Variants in ADAMTSL1 observed in about 807,000 individuals in gnomAD.
ADAMTSL1 encodes ADAMTS-like protein 1.
In ADAMTSL1, 126 loss-of-function variants were observed where a neutral mutation model predicts 201.8. That is an observed-to-expected ratio of 0.62 (90% CI 0.54 to 0.72). ADAMTSL1 has a LOEUF of 0.72. ADAMTSL1 is among the 30% of genes least tolerant of loss of function. ADAMTSL1 has a pLI of 0.00. For missense variants in ADAMTSL1, 2,679 were observed against 2,277.8 expected (o/e 1.18, Z -3.59); for synonymous variants, 1,121 against 903.4 (o/e 1.24, Z -4.32).
At chr9:18,766,393 C>T (rs898889399) in intron 16 of ADAMTSL1, among the ~76,000 whole-genome samples, 1 of 152,116 alleles carries the variant, frequency 6.6e-6, no homozygotes, top group South Asian at 2.1e-4. Flanking sequence ...GCTTTGAAAA[C>T]GTCACTCTTG....
chr9:18,574,765 A>G (rs1453316745), intron 4 of ADAMTSL1, among the ~76,000 whole-genome samples: 3 of 152,206 alleles, frequency 2.0e-5, no homozygotes, highest in Admixed American at 1.3e-4. Context: ...AGAGAAAGTC[A>G]TGGAAGAGCC....
chr9:18,343,019 G>A (rs1835537029), intron 2 of ADAMTSL1, among the ~76,000 whole-genome samples: 1 of 151,708 alleles, frequency 6.6e-6, no homozygotes, highest in Non-Finnish European at 1.5e-5. Flanking sequence ...TAAAAAATGT[G>A]GGTTTTTTTG....
chr9:18,578,445 G>C (rs1167599967), intron 4 of ADAMTSL1, among the ~76,000 whole-genome samples: 1 of 152,120 alleles, frequency 6.6e-6, no homozygotes, highest in Non-Finnish European at 1.5e-5. Context: ...GATGAAGTTA[G>C]AGAGAAGGCT....
intron 7 of ADAMTSL1, among the ~76,000 whole-genome samples, chr9:18,649,584 G>C (rs1352274973): frequency 1.3e-5 from 2 of 152,130 alleles, no homozygotes; most frequent in African/African-American, 4.8e-5. Flanking sequence ...TGTCCTTTCT[G>C]TTTGTTAGTT....
chr9:18,830,217 A>T (rs533780800), intron 23 of ADAMTSL1, among the ~76,000 whole-genome samples: 164 of 152,238 alleles, frequency 1.1e-3, no homozygotes, highest in African/African-American at 3.8e-3. Flanking sequence ...TCCTTTCTGA[A>T]TCCTCTTGGG....
intron 1 of ADAMTSL1, among the ~76,000 whole-genome samples, chr9:18,074,544 C>T (rs1165581027): frequency 2.5e-5 from 3 of 120,794 alleles, no homozygotes; most frequent in South Asian, 2.9e-4. Flanking sequence ...CTTCTCTCTT[C>T]TTTTCTCTTC....
At chr9:18,346,564 A>G (rs1835727349) in intron 2 of ADAMTSL1, among the ~76,000 whole-genome samples, 1 of 152,194 alleles carries the variant, frequency 6.6e-6, no homozygotes, top group African/African-American at 2.4e-5. Context: ...CTGGAACAGA[A>G]AAGCGTTTAG....
chr9:18,117,331 C>T (rs1825295778), intron 1 of ADAMTSL1, among the ~76,000 whole-genome samples: 1 of 152,112 alleles, frequency 6.6e-6, no homozygotes, highest in South Asian at 2.1e-4. Context: ...TCATCTGGCC[C>T]TCGTTACTTT....
chr9:18,876,750 A>T (rs1049904793), intron 23 of ADAMTSL1, among the ~76,000 whole-genome samples: 1 of 152,184 alleles, frequency 6.6e-6, no homozygotes, highest in Non-Finnish European at 1.5e-5. Flanking sequence ...TCTTTTTGCA[A>T]TTAATTTCCT....
intron 23 of ADAMTSL1, among the ~76,000 whole-genome samples, chr9:18,860,156 G>A (rs916080348): frequency 6.6e-6 from 1 of 152,346 alleles, no homozygotes; most frequent in East Asian, 1.9e-4. Context: ...AAAGTAACAA[G>A]TTGGATCTTT....
chr9:18,489,703 T>G lies in ADAMTSL1; in HGVS notation c.64-15126T>G, dbSNP rs1363402079. ...TTATTTTTCTTTTTCTAGATGGCCA[T>G]TGTGTGAGATTAAGTATTTGGTCAT... On this transcript the variant is annotated intron_variant, in intron 1 of 28. Transcript: ENST00000380548. Among the ~76,000 whole-genome samples the G allele has an allele frequency of 7.2e-5, 11 of 152,192 alleles. 1 individual carries two copies. The highest frequency in any genetic ancestry group is 5.9e-4 in the Admixed American group (9 of 15,282).
At chr9:18,045,589 G>A (rs1821623231) in intron 1 of ADAMTSL1, among the ~76,000 whole-genome samples, 1 of 151,866 alleles carries the variant, frequency 6.6e-6, no homozygotes, top group Non-Finnish European at 1.5e-5. Context: ...GAATTTCATT[G>A]CCCAAATACA....
chr9:18,574,438 G>C (rs1488475158), intron 4 of ADAMTSL1, 172 bp downstream of exon 4: 2 of 705,654 alleles, frequency 2.8e-6, no homozygotes, highest in Non-Finnish European at 5.0e-6. Context: ...ACCAAGTGTT[G>C]TATTGTGCGA....
intron 23 of ADAMTSL1, among the ~76,000 whole-genome samples, chr9:18,846,459 A>G (rs1826119675): frequency 6.6e-6 from 1 of 152,160 alleles, no homozygotes; most frequent in Non-Finnish European, 1.5e-5. Context: ...CCTTTCAAGA[A>G]CCTTTTTGGT....
At chr9:18,633,348 T>C (rs912616222) in intron 5 of ADAMTSL1, among the ~76,000 whole-genome samples, 15 of 151,998 alleles carry the variant, frequency 9.9e-5, no homozygotes, top group African/African-American at 3.6e-4. Context: ...TCCCAGCATT[T>C]TGGGAGGCCG....
At chr9:18,590,276 A>G (rs569093720) in intron 4 of ADAMTSL1, among the ~76,000 whole-genome samples, 1 of 152,098 alleles carries the variant, frequency 6.6e-6, no homozygotes, top group East Asian at 1.9e-4. Context: ...GAGTTTATCC[A>G]TTTCTAGGTT....
At chr9:18,493,768 C>G (rs2131867142) in intron 1 of ADAMTSL1, among the ~76,000 whole-genome samples, 1 of 152,298 alleles carries the variant, frequency 6.6e-6, no homozygotes, top group South Asian at 2.1e-4. Context: ...TTTAGATAAT[C>G]TGAATGTATA....
intron 8 of ADAMTSL1, among the ~76,000 whole-genome samples, chr9:18,659,171 A>G (rs1828902918): frequency 6.6e-6 from 1 of 152,252 alleles, no homozygotes; most frequent in Admixed American, 6.5e-5. Context: ...GTATCACTAT[A>G]TTAATTTGAC....
intron 13 of ADAMTSL1, among the ~76,000 whole-genome samples, chr9:18,686,103 C>T (rs2133207348): frequency 6.6e-6 from 1 of 151,964 alleles, no homozygotes; most frequent in South Asian, 2.1e-4. Context: ...ATTTTTTTTG[C>T]AGAGACTGGG....
Sources: gnomAD v4.1 joint callset for allele counts (sites outside exome capture counted in the v4.1 genomes callset) on GRCh38, gnomAD v4.1.1 for gene constraint, MANE v1.5 for transcripts, NCBI Gene and HGNC (gene_info 2026-07-23, HGNC 2026-07-21) for gene names.